The following YJU2B variants were observed in gnomAD, a reference collection of about 807,000 sequenced individuals.
YJU2B encodes the protein YJU2 splicing factor homolog B, also known as probable splicing factor YJU2B.
A neutral mutation model predicts 38.0 loss-of-function variants in YJU2B; 18 were observed. That is an observed-to-expected ratio of 0.47 (90% CI 0.33 to 0.70). YJU2B has a LOEUF of 0.70. Ranked by LOEUF, YJU2B falls within the 30% of genes least tolerant of loss-of-function variation. The pLI, the probability that YJU2B is intolerant of heterozygous loss-of-function variation, is 0.02. For missense variants in YJU2B, 538 were observed against 556.3 expected (o/e 0.97, Z 0.33); for synonymous variants, 246 against 225.4 (o/e 1.09, Z -0.82).
intron 2 of YJU2B, among the ~76,000 whole-genome samples, chr19:13,736,082 G>C (rs1279441129): frequency 6.6e-6 from 1 of 151,260 alleles, no homozygotes; most frequent in Non-Finnish European, 1.5e-5. Context: ...CTTGCTCCAC[G>C]ATGTGGTGTG....
At chr19:13,739,045 CAG>C (rs1377575903) in intron 2 of YJU2B, among the ~76,000 whole-genome samples, 4 of 152,098 alleles carry the variant, frequency 2.6e-5, no homozygotes, top group Non-Finnish European at 1.5e-5. Flanking sequence ...GCCTAGGTGA[CAG>C]AGCAAGACTC....
intron 3 of YJU2B, among the ~76,000 whole-genome samples, chr19:13,755,562 T>C (rs187591517): frequency 1.3e-5 from 2 of 151,760 alleles, no homozygotes; most frequent in Admixed American, 1.3e-4. Flanking sequence ...CTGGAAGTAA[T>C]AATGACCATT....
chr19:13,746,504 G>A (rs1003722790), upstream of YJU2B, among the ~76,000 whole-genome samples: 11 of 152,176 alleles, frequency 7.2e-5, no homozygotes, highest in African/African-American at 2.4e-4. Flanking sequence ...CACCTTTATA[G>A]GTTCTTTGGC....
chr19:13,754,931 G>A (rs2145146284), intron 3 of YJU2B, among the ~76,000 whole-genome samples: 1 of 152,226 alleles, frequency 6.6e-6, no homozygotes. Context: ...GGGCCCAAGT[G>A]TCCCAGCTGC....
intron 1 of YJU2B, among the ~76,000 whole-genome samples, chr19:13,750,518 C>A (rs137905991): frequency 8.5e-5 from 13 of 152,130 alleles, no homozygotes; most frequent in Non-Finnish European, 1.8e-4. Flanking sequence ...TGAGCCACCG[C>A]ACCTGGCCGG....
chr19:13,738,735 C>T (rs953965988), intron 2 of YJU2B, among the ~76,000 whole-genome samples: 1 of 151,912 alleles, frequency 6.6e-6, no homozygotes, highest in African/African-American at 2.4e-5. Flanking sequence ...ACTAAAAATA[C>T]AAAAATTAGC....
chr19:13,762,083 T>TAAGTA (rs1973909382), intron 8 of YJU2B, among the ~76,000 whole-genome samples: 2 of 152,072 alleles, frequency 1.3e-5, no homozygotes, highest in South Asian at 4.1e-4. Context: ...TAGTACTGGA[T>TAAGTA]ACTTGGGAGG....
At chr19:13,761,216 A>G (rs961355706) in intron 8 of YJU2B, among the ~76,000 whole-genome samples, 1 of 104,688 alleles carries the variant, frequency 9.6e-6, no homozygotes. Context: ...CGTCTCTACT[A>G]AAAATGCAAA....
chr19:13,741,041 C>T (rs1973079463), intron 2 of YJU2B, among the ~76,000 whole-genome samples: 1 of 152,070 alleles, frequency 6.6e-6, no homozygotes, highest in South Asian at 2.1e-4. Context: ...ATTTGTTACG[C>T]AACCAGAGAT....
chr19:13,734,296 G>GTTT (rs1159563234), intron 2 of YJU2B, among the ~76,000 whole-genome samples: 1 of 143,158 alleles, frequency 7.0e-6, no homozygotes, highest in Non-Finnish European at 1.5e-5. Context: ...TGTAGAGATT[G>GTTT]TTTTTTTTTT....
At chr19:13,742,989 A>G (rs1599497965), upstream of YJU2B, among the ~76,000 whole-genome samples, 1 of 152,302 alleles carries the variant, frequency 6.6e-6, no homozygotes, top group South Asian at 2.1e-4. Flanking sequence ...TCTTACAGAA[A>G]CCAACTGAGG....
In YJU2B at chr19:13,754,461, ATG is replaced by A. The variant is rs1973589139; in HGVS notation, c.57+121_57+122del. ...CCCCCAAGGTCTTTTTGTCTTCTGC[ATG>A]TCACCTGAGTCTCGAGGCTGTCTTC... On this transcript the variant is annotated intron_variant, in intron 3 of 9. Transcript: ENST00000221554. The A allele has an allele frequency of 6.2e-6, 5 of 808,586 alleles. No individual in the cohort carries two copies. The African/African-American group carries it at 8.5e-5, about 14-fold the overall frequency. The allele number at this position is 808,586 out of a possible 1,614,324, so 50.1% of individuals were successfully genotyped here. A position where few individuals can be genotyped will look rare whatever the true frequency, so the allele number is the denominator to read the frequency against.
chr19:13,753,717 CCTT>C (rs1973558808), intron 2 of YJU2B, among the ~76,000 whole-genome samples: 1 of 152,070 alleles, frequency 6.6e-6, no homozygotes, highest in Non-Finnish European at 1.5e-5. Flanking sequence ...GCAAACACAT[CCTT>C]CTTCACGTGG....
intron 2 of YJU2B, among the ~76,000 whole-genome samples, chr19:13,736,191 C>T (rs1228678772): frequency 1.3e-5 from 2 of 151,344 alleles, no homozygotes; most frequent in Non-Finnish European, 2.9e-5. Context: ...AATATGTATA[C>T]AAAGAGCCAT....
chr19:13,756,138 A>G, intron 3 of YJU2B, 59 bp from the exon 4 acceptor site: 1 of 1,410,246 alleles, frequency 7.1e-7, no homozygotes, highest in Non-Finnish European at 1.0e-6. Context: ...GGGGTGGCAG[A>G]AAATTGTGAG....
At chr19:13,738,735 C>CA (rs1973017790) in intron 2 of YJU2B, among the ~76,000 whole-genome samples, 1 of 151,912 alleles carries the variant, frequency 6.6e-6, no homozygotes, top group Admixed American at 6.6e-5. Context: ...ACTAAAAATA[C>CA]AAAAATTAGC....
chr19:13,747,348 A>C (rs925518841), upstream of YJU2B, among the ~76,000 whole-genome samples: 8 of 152,196 alleles, frequency 5.3e-5, no homozygotes, highest in Non-Finnish European at 1.0e-4. Flanking sequence ...CCACCTAACT[A>C]TTTAAAAATG....
At chr19:13,737,654 G>GTTGTGGCAC in intron 2 of YJU2B, among the ~76,000 whole-genome samples, 1 of 117,190 alleles carries the variant, frequency 8.5e-6, no homozygotes, top group Non-Finnish European at 1.8e-5. Flanking sequence ...GCATGGCGGC[G>GTTGTGGCAC]AGCGCCTGTA....
chr19:13,761,509 C>T (rs1455280750), intron 8 of YJU2B: 1 of 152,528 alleles, frequency 6.6e-6, no homozygotes, highest in Non-Finnish European at 1.5e-5. Context: ...TCCACCAGGG[C>T]AAGGGTTTTT....
Sources: allele counts gnomAD v4.1 joint callset (sites outside exome capture counted in the v4.1 genomes callset), GRCh38; gene constraint gnomAD v4.1.1; transcripts MANE v1.5; gene names NCBI Gene and HGNC (gene_info 2026-07-23, HGNC 2026-07-21).